KCNJ5: variants seen among roughly 807,000 people sequenced by gnomAD.
KCNJ5 encodes the protein G protein-activated inward rectifier potassium channel 4.
A neutral mutation model predicts 20.2 loss-of-function variants in KCNJ5; 12 were observed. That is an observed-to-expected ratio of 0.59 (90% CI 0.38 to 0.96). The LOEUF is 0.96. KCNJ5 is among the 40% of genes least tolerant of loss of function. The probability of loss-of-function intolerance (pLI) is 0.00; values close to 1 mark genes in which losing one functional copy is unlikely to be tolerated. For missense variants in KCNJ5, 449 were observed against 557.6 expected (o/e 0.81, Z 1.96); for synonymous variants, 210 against 213.9 (o/e 0.98, Z 0.16).
intron 1 of KCNJ5, among the ~76,000 whole-genome samples, chr11:128,896,097 G>T (rs1268725899): frequency 2.6e-5 from 4 of 151,970 alleles, no homozygotes; most frequent in African/African-American, 7.2e-5. Flanking sequence ...TCTCAGTTTG[G>T]TTCTTTTTTT....
chr11:128,905,265 C>G (rs1307287256), intron 1 of KCNJ5, among the ~76,000 whole-genome samples: 2 of 152,214 alleles, frequency 1.3e-5, no homozygotes, highest in Non-Finnish European at 2.9e-5. Flanking sequence ...GGCTCTCACC[C>G]TCCCACCCCG....
chr11:128,916,825 C>G lies in KCNJ5; in HGVS notation c.*94C>G. On this transcript the variant is annotated 3_prime_UTR_variant, in exon 3 of 3. Transcript: ENST00000529694. The stretch of plus-strand genomic sequence containing the variant: ...CAGGGGAGGGGAATAGTTGAGTGTG[C>G]TGTTTGGGGGCTCAGGAGCCATCAA... 2.0e-6 allele frequency: 2 copies of G among 991,104 alleles called. No individual in the cohort carries two copies. Among genetic ancestry groups the G allele is most frequent in the Non-Finnish European group, 3.0e-6 (2 of 674,462 alleles). The allele number at this position is 991,104 out of a possible 1,614,324, so 61.4% of individuals were successfully genotyped here.
intron 1 of KCNJ5, among the ~76,000 whole-genome samples, chr11:128,894,250 T>C (rs1364405271): frequency 6.6e-6 from 1 of 152,180 alleles, no homozygotes; most frequent in African/African-American, 2.4e-5. Context: ...CAATCATTAA[T>C]TTTTGAAAAC....
At position 128,911,007 on chromosome 11, in the gene KCNJ5, C is replaced by T. The variant is rs1944487881; in HGVS notation, c.-10-257C>T. Among the ~76,000 whole-genome samples the T allele has an allele frequency of 1.3e-5, 2 of 152,198 alleles. No individual in the cohort carries two copies. Among genetic ancestry groups the T allele is most frequent in the Admixed American group, 6.5e-5 (1 of 15,282 alleles). ...CTTTCAACACTTAATGTGTAGTTTG[C>T]ACCTAGATATTGTTCATTTATTCAT... On this transcript the variant is annotated intron_variant, in intron 1 of 2. Transcript: ENST00000529694. This position sits in a 1 kb window ranked among gnomAD's most constrained non-coding sequence, Gnocchi z 6.3.
At chr11:128,903,904 G>C (rs998381393) in intron 1 of KCNJ5, among the ~76,000 whole-genome samples, 2 of 151,934 alleles carry the variant, frequency 1.3e-5, no homozygotes, top group African/African-American at 4.8e-5. Context: ...TGCTCCCCCC[G>C]GGACTCAGAA....
At position 128,911,809 on chromosome 11, in the gene KCNJ5, A is replaced by G. The variant is rs147070381; in HGVS notation, c.536A>G (p.Asn179Ser). The change falls in exon 2 of 3, where the codon AAT becomes AGT. Residue 179 changes from asparagine to serine, a missense_variant. Coordinates refer to ENST00000529694, the MANE Select transcript of KCNJ5 (RefSeq NM_000890.5). The surrounding 1 kb of genome is among the most constrained non-coding windows in gnomAD (Gnocchi z 6.3). ...CAGGCCATCCTGGGCTCCATCGTCA[A>G]TGCCTTCATGGTGGGGTGCATGTTT... ...LVQAILGSIV[N>S]AFMVGCMFVK... 37 of 1,614,036 alleles carry G rather than the reference A, an allele frequency of 2.3e-5. No individual in the cohort carries two copies. The highest frequency in any genetic ancestry group is 1.6e-4 in the East Asian group (7 of 44,894).
rs1195424720 is a variant in KCNJ5 at position 128,920,408 on chromosome 11, GC to G, written c.*3678del. ...TGCTCGTGATCTGTAACAGTGGGGC[GC>G]TTTTTCACACCCCTTATCTCACGGC... On this transcript the variant is annotated 3_prime_UTR_variant, in exon 3 of 3. Transcript: ENST00000529694. 1 of 152,210 alleles carries G rather than the reference GC, an allele frequency of 6.6e-6. No homozygotes were observed. Among genetic ancestry groups the G allele is most frequent in the African/African-American group, 2.4e-5 (1 of 41,362 alleles). The allele number at this position is 152,210 out of a possible 1,614,324, so 9.4% of individuals were successfully genotyped here.
intron 2 of KCNJ5, among the ~76,000 whole-genome samples, chr11:128,915,209 G>A (rs941048459): frequency 2.0e-4 from 30 of 152,208 alleles, no homozygotes; most frequent in African/African-American, 6.8e-4. Flanking sequence ...TAAGCACAGA[G>A]GCCTCCTCAT....
rs45516097 is a variant in KCNJ5, at chr11:128,912,217, C to T, written c.937+7C>T. On this transcript the variant is annotated splice_region_variant and intron_variant, in intron 2 of 2. Transcript: ENST00000529694. Reference sequence around the variant, plus strand: ...GGGATGGTGGAAGCCACAGGTAAGGCGCTTTGTCCTCCTCAGCCACAGGTG... The same window carrying T: ...GGGATGGTGGAAGCCACAGGTAAGGTGCTTTGTCCTCCTCAGCCACAGGTG... 31,106 of 1,597,078 alleles carry T rather than the reference C, an allele frequency of 0.019. 1,633 individuals are homozygous for T. Among genetic ancestry groups the T allele is most frequent in the African/African-American group, 0.18 (13,545 of 74,910 alleles).
intron 1 of KCNJ5, among the ~76,000 whole-genome samples, chr11:128,899,235 C>T (rs563673692): frequency 2.0e-5 from 3 of 152,180 alleles, no homozygotes; most frequent in Non-Finnish European, 4.4e-5. Context: ...ATGGGGAGAA[C>T]AGTATCTACC....
At position 128,896,607 on chromosome 11, in the gene KCNJ5, G is replaced by GGTGT. The variant is rs142872056; in HGVS notation, c.-11+4908_-11+4911dup. On this transcript the variant is annotated intron_variant, in intron 1 of 2. Coordinates refer to ENST00000529694, the MANE Select transcript of KCNJ5 (RefSeq NM_000890.5). ...GGAGTGTGCATGTGTGCTTGTTGGG[G>GGTGT]GTGTGTGTGTGTGTGTGTGTGTGTG... Among the ~76,000 whole-genome samples, 1,255 of 149,238 alleles carry GGTGT rather than the reference G, an allele frequency of 8.4e-3. 21 individuals are homozygous for GGTGT. Among genetic ancestry groups the GGTGT allele is most frequent in the African/African-American group, 0.026 (1,065 of 40,618 alleles).
At position 128,911,422 on chromosome 11, in the gene KCNJ5, G is replaced by A. The variant is rs748152068; in HGVS notation, c.149G>A (p.Arg50His). The change falls in exon 2 of 3, where the codon CGC (arginine) becomes CAC (histidine). Residue 50 changes from arginine to histidine, a missense_variant. This residue lies in a region of KCNJ5 where 203 missense variants were observed against 258.0 expected (regional missense o/e 0.79). Coordinates refer to ENST00000529694, the MANE Select transcript of KCNJ5 (RefSeq NM_000890.5). This position sits in a 1 kb window ranked among gnomAD's most constrained non-coding sequence, Gnocchi z 6.3. ...TRLLAEGKKP[R>H]QRYMEKSGKC... ...CTGCTGGCCGAGGGCAAGAAGCCAC[G>A]CCAGCGCTACATGGAGAAGAGTGGC... 2.0e-5 allele frequency: 32 copies of A among 1,614,086 alleles called. No individual in the cohort carries two copies. The highest frequency in any genetic ancestry group is 3.3e-5 in the Admixed American group (2 of 60,012).
Position 128,912,037 on chromosome 11 carries a change from C to T in KCNJ5, c.764C>T (p.Thr255Ile), listed in dbSNP as rs762872849. 1 of 1,613,842 alleles carries T rather than the reference C, an allele frequency of 6.2e-7. No homozygotes were observed. The highest frequency in any genetic ancestry group is 8.5e-7 in the Non-Finnish European group (1 of 1,179,776). The change falls in exon 2 of 3, where the codon ACA becomes ATA. Residue 255 changes from threonine (T) to isoleucine (I), a missense_variant. Transcript: ENST00000529694. ...GGGGAGTTCATCCCCCTGAACCAGACAGACATCAACGTGGGCTTTGACACG... is the reference window on the plus strand; with the variant it reads ...GGGGAGTTCATCCCCCTGAACCAGATAGACATCAACGTGGGCTTTGACACG... ...KEGEFIPLNQ[T>I]DINVGFDTGD... is the part of the protein sequence containing the mutation.
intron 1 of KCNJ5, among the ~76,000 whole-genome samples, chr11:128,897,799 GATCCATTTTGA>G (rs1186067552): frequency 3.0e-4 from 45 of 152,174 alleles, no homozygotes; most frequent in African/African-American, 9.7e-4. Flanking sequence ...TTAAGTTCAT[GATCCATTTTGA>G]ATTAACTTTG....
In KCNJ5 at chr11:128,912,177, G is replaced by A; in HGVS notation, c.904G>A (p.Val302Met). The A allele has an allele frequency of 6.2e-7, 1 of 1,606,738 alleles. No homozygotes were observed. Among genetic ancestry groups the A allele is most frequent in the Non-Finnish European group, 8.5e-7 (1 of 1,179,984 alleles). ...AQLHQEEFEV[V>M]VILEGMVEAT... is the part of the protein sequence containing the mutation. ...GCTGCATCAGGAAGAGTTTGAAGTTGTGGTCATTCTAGAAGGGATGGTGGA... is the reference window on the plus strand; with the variant it reads ...GCTGCATCAGGAAGAGTTTGAAGTTATGGTCATTCTAGAAGGGATGGTGGA... The change falls in exon 2 of 3, where the codon GTG becomes ATG. Residue 302 changes from valine to methionine, a missense_variant. This residue lies in a region of KCNJ5 where 145 missense variants were observed against 166.2 expected (regional missense o/e 0.87). Coordinates refer to ENST00000529694, the MANE Select transcript of KCNJ5 (RefSeq NM_000890.5).
chr11:128,913,745 TA>T (rs2136001017), intron 2 of KCNJ5, among the ~76,000 whole-genome samples: 1 of 152,326 alleles, frequency 6.6e-6, no homozygotes, highest in African/African-American at 2.4e-5. Context: ...AGGCTGAACC[TA>T]AAAAGCATTA....
chr11:128,916,241 A>G (rs201871818), intron 2 of KCNJ5, among the ~76,000 whole-genome samples, 168 bp from the exon 3 acceptor site: 13 of 13,982 alleles, frequency 9.3e-4, no homozygotes, highest in South Asian at 2.8e-3. Context: ...TGGATAGATG[A>G]TTAGATGGAT....
intron 1 of KCNJ5, among the ~76,000 whole-genome samples, chr11:128,893,287 T>C (rs928422560): frequency 6.6e-6 from 1 of 152,138 alleles, no homozygotes; most frequent in Admixed American, 6.5e-5. Context: ...GCGTATGTGC[T>C]TCTTGGAAGA....
In KCNJ5 at chr11:128,904,362, G is replaced by T. The variant is rs963278247; in HGVS notation, c.-10-6902G>T. 2.2e-5 allele frequency: 35 copies of T among 1,589,532 alleles called. No homozygotes were observed. The Admixed American group carries it at 2.7e-4, about 12-fold the overall frequency. On this transcript the variant is annotated intron_variant, in intron 1 of 2. Coordinates refer to ENST00000529694, the MANE Select transcript of KCNJ5 (RefSeq NM_000890.5). Reference sequence around the variant, plus strand: ...TCTACTGCACTGATTTTTTTTGCCTGTGTACTCCCCACCAGACCAGGAACT... The same window carrying T: ...TCTACTGCACTGATTTTTTTTGCCTTTGTACTCCCCACCAGACCAGGAACT...
Sources: gnomAD v4.1 joint callset for allele counts (sites outside exome capture counted in the v4.1 genomes callset) on GRCh38, gnomAD v4.1.1 for gene constraint, gnomAD v4.1.1 regional missense constraint, Gnocchi (gnomAD v3.1) non-coding constraint, MANE v1.5 for transcripts, NCBI Gene and HGNC (gene_info 2026-07-23, HGNC 2026-07-21) for gene names.